Variants in BPTF observed in about 807,000 individuals in gnomAD.
BPTF encodes nucleosome-remodeling factor subunit BPTF.
In BPTF, 18 loss-of-function variants were observed where a neutral mutation model predicts 292.5. That is an observed-to-expected ratio of 0.06 (90% CI 0.04 to 0.09). The LOEUF (loss-of-function observed/expected upper bound fraction) is 0.09, where lower values mean the gene tolerates loss of function less well. BPTF is among the 10% of genes least tolerant of loss of function. BPTF has a pLI of 1.00. For synonymous variants in BPTF, 1,225 were observed against 1,251.9 expected, an observed-to-expected ratio of 0.98 and a Z score of 0.45; for missense variants, 2,726 against 3,498.7, an observed-to-expected ratio of 0.78 and a Z score of 5.57.
intron 1 of BPTF, among the ~76,000 whole-genome samples, chr17:67,828,000 C>T (rs1291461358): frequency 2.0e-5 from 3 of 147,338 alleles, no homozygotes; most frequent in Admixed American, 6.9e-5. Flanking sequence ...GTCCTGATCT[C>T]GGCTCACTGC....
intron 18 of BPTF, among the ~76,000 whole-genome samples, chr17:67,939,510 T>C (rs2065192339): frequency 1.3e-5 from 2 of 152,134 alleles, no homozygotes; most frequent in African/African-American, 2.4e-5. Context: ...TAAAAAGAGG[T>C]TTATGGAAAA....
chr17:67,894,283 C>T (rs1240327076), intron 7 of BPTF, 118 bp downstream of exon 7: 7 of 1,032,870 alleles, frequency 6.8e-6, no homozygotes, highest in South Asian at 1.7e-5. Flanking sequence ...TACTTTTGGC[C>T]TCATTTTCTT....
At chr17:67,979,999 T>C (rs1356837574) in intron 27 of BPTF, among the ~76,000 whole-genome samples, 1 of 151,496 alleles carries the variant, frequency 6.6e-6, no homozygotes, top group South Asian at 2.1e-4. Flanking sequence ...ACCACTACAC[T>C]CTAGCCTGGG....
At chr17:67,838,009 A>G (rs1462179174) in intron 1 of BPTF, among the ~76,000 whole-genome samples, 2 of 152,154 alleles carry the variant, frequency 1.3e-5, no homozygotes, top group South Asian at 2.1e-4. Context: ...CAGTTTACTC[A>G]CCTGTACAGT....
intron 7 of BPTF, among the ~76,000 whole-genome samples, chr17:67,897,631 A>G (rs1331136020): frequency 6.6e-6 from 1 of 152,070 alleles, no homozygotes; most frequent in Non-Finnish European, 1.5e-5. Flanking sequence ...GGATGCCACA[A>G]TGATCTCAGT....
chr17:67,849,317 A>G (rs2058242930), intron 1 of BPTF, among the ~76,000 whole-genome samples: 1 of 152,230 alleles, frequency 6.6e-6, no homozygotes, highest in Admixed American at 6.5e-5. Flanking sequence ...TTCAGTGACC[A>G]TATAAATCAC....
chr17:67,977,895 C>A, intron 27 of BPTF: 1 of 149,640 alleles, frequency 6.7e-6, no homozygotes, highest in Non-Finnish European at 1.5e-5. Flanking sequence ...ACTCTTGTTG[C>A]CCAGGCTGGA....
intron 1 of BPTF, among the ~76,000 whole-genome samples, chr17:67,846,924 C>T (rs2058071376): frequency 6.6e-6 from 1 of 152,068 alleles, no homozygotes. Context: ...TGGTCCTAAA[C>T]TCCGGACCTC....
At chr17:67,877,686 A>G (rs1237161598) in intron 4 of BPTF, among the ~76,000 whole-genome samples, 2 of 152,112 alleles carry the variant, frequency 1.3e-5, no homozygotes, top group African/African-American at 4.8e-5. Context: ...TGACGTGATC[A>G]TGGCTCACTG....
At position 67,937,719 on chromosome 17, in the gene BPTF, T is replaced by C. The variant is rs151293045; in HGVS notation, c.6260-2720T>C. ...CAAGAAGTGGGAGTCAAAGGAGTTATGGTCAGAGAGGTGGAGGGTGGGTGG... is the reference window on the plus strand; with the variant it reads ...CAAGAAGTGGGAGTCAAAGGAGTTACGGTCAGAGAGGTGGAGGGTGGGTGG... On this transcript the variant is annotated intron_variant, in intron 18 of 27. Transcript: ENST00000306378. Among the ~76,000 whole-genome samples, 321 of 140,266 alleles carry C rather than the reference T, an allele frequency of 2.3e-3. 3 individuals carry two copies. Among genetic ancestry groups the C allele is most frequent in the African/African-American group, 8.1e-3 (309 of 38,356 alleles). The allele number at this position is 140,266 out of a possible 152,430, so 92.0% of individuals were successfully genotyped here.
At chr17:67,932,969 C>T (rs893931828) in intron 18 of BPTF, among the ~76,000 whole-genome samples, 2 of 151,930 alleles carry the variant, frequency 1.3e-5, no homozygotes, top group South Asian at 2.1e-4. Flanking sequence ...TAAAAAAGAT[C>T]AGCCAGGCGC....
At position 67,868,528 on chromosome 17, in the gene BPTF, G is replaced by C. The variant is rs572961907; in HGVS notation, c.1660+1841G>C. Among the ~76,000 whole-genome samples, 187 of 152,294 alleles carry C rather than the reference G, an allele frequency of 1.2e-3. 1 individual carries two copies. The highest frequency in any genetic ancestry group is 4.2e-3 in the African/African-American group (174 of 41,568). On this transcript the variant is annotated intron_variant, in intron 3 of 27. Coordinates refer to ENST00000306378, the MANE Select transcript of BPTF (RefSeq NM_182641.4). ...AGAATACTGTATTTTCAATTTGAGGGTGGTTGAATCCAAGGATGCAGAACC... is the reference window on the plus strand; with the variant it reads ...AGAATACTGTATTTTCAATTTGAGGCTGGTTGAATCCAAGGATGCAGAACC...
chr17:67,947,947 C>A, intron 22 of BPTF, 134 bp from the exon 23 acceptor site: 3 of 1,226,488 alleles, frequency 2.4e-6, no homozygotes, highest in Non-Finnish European at 3.5e-6. Flanking sequence ...TTACTCATAA[C>A]TGGTTTGAAC....
intron 26 of BPTF, among the ~76,000 whole-genome samples, chr17:67,968,932 G>C (rs1172676822): frequency 6.6e-6 from 1 of 151,286 alleles, no homozygotes; most frequent in Non-Finnish European, 1.5e-5. Context: ...ATTGAGCCGA[G>C]ATCGCGCCAT....
chr17:67,919,104 G>A (rs188289639), intron 12 of BPTF, among the ~76,000 whole-genome samples: 1 of 151,120 alleles, frequency 6.6e-6, no homozygotes, highest in African/African-American at 2.4e-5. Context: ...CCTGGGAGGC[G>A]GAGCTTACAG....
chr17:67,871,060 C>T (rs966644460), intron 3 of BPTF, among the ~76,000 whole-genome samples: 3 of 151,880 alleles, frequency 2.0e-5, no homozygotes, highest in African/African-American at 7.3e-5. Context: ...CGTGAGCCAC[C>T]GCGCCCGGCC....
chr17:67,854,091 C>T lies in BPTF; in HGVS notation c.765C>T (p.Asn255=). ...TTGCCATTTACGAGGTACTGCGGAA[C>T]TTTGGCACTGTTTTGAGATTATCTC... ...NVIAIYEVLR[N]FGTVLRLSPF... Residue 255 remains asparagine (N), a synonymous_variant, in exon 2 of 28, where the codon AAC becomes AAT. Transcript: ENST00000306378. This position sits in a 1 kb window ranked among gnomAD's most constrained non-coding sequence, Gnocchi z 5.6. 1 of 1,614,170 alleles carries T rather than the reference C, an allele frequency of 6.2e-7. No homozygotes were observed. The highest frequency in any genetic ancestry group is 2.2e-5 in the East Asian group (1 of 44,888).
Position 67,959,652 on chromosome 17 carries a change from C to G in BPTF, c.8038C>G (p.Pro2680Ala), listed in dbSNP as rs781837183. Reference sequence around the variant, plus strand: ...CCCAGTGACACCAGCTCCTCCAGCCCCTCCAGCCCCTCCACCTTCACCTCC... The same window carrying G: ...CCCAGTGACACCAGCTCCTCCAGCCGCTCCAGCCCCTCCACCTTCACCTCC... ...CPPVTPAPPA[P>A]PAPPPSPPPP... The change falls in exon 24 of 28, where the codon CCT (proline) becomes GCT (alanine). Residue 2680 changes from proline (P) to alanine (A), a missense_variant. By Grantham distance (27) the Pro-to-Ala change is conservative (BLOSUM62 -1). Coordinates refer to ENST00000306378, the MANE Select transcript of BPTF (RefSeq NM_182641.4). The G allele has an allele frequency of 1.2e-6, 2 of 1,609,608 alleles. No individual in the cohort carries two copies. The highest frequency in any genetic ancestry group is 3.4e-5 in the Admixed American group (2 of 59,304).
chr17:67,909,798 G>A (rs1369562288), intron 10 of BPTF, 37 bp downstream of exon 10: 3 of 1,457,630 alleles, frequency 2.1e-6, no homozygotes, highest in Admixed American at 2.5e-5. Context: ...GCCTGGGGGT[G>A]ATAAGAATGC....
Sources: allele counts gnomAD v4.1 joint callset (sites outside exome capture counted in the v4.1 genomes callset), GRCh38; gene constraint gnomAD v4.1.1; non-coding constraint Gnocchi (gnomAD v3.1); transcripts MANE v1.5; gene names NCBI Gene and HGNC (gene_info 2026-07-23, HGNC 2026-07-21).